The following ITGA3 variants were observed in gnomAD, a reference collection of about 807,000 sequenced individuals.
ITGA3 encodes the protein integrin subunit alpha 3, also known as integrin alpha-3.
ITGA3 carries 70 observed loss-of-function variants against 131.1 expected under a neutral mutation model. That is an observed-to-expected ratio of 0.53 (90% CI 0.44 to 0.65). The LOEUF is 0.65. Ranked by LOEUF, ITGA3 falls within the 30% of genes least tolerant of loss-of-function variation. The pLI, the probability that ITGA3 is intolerant of heterozygous loss-of-function variation, is 0.00. For synonymous variants in ITGA3, 537 were observed against 571.6 expected (o/e 0.94, Z 0.86); for missense variants, 1,098 against 1,388.6 (o/e 0.79, Z 3.33).
rs188574125 is a variant in ITGA3 at position 50,076,183 on chromosome 17, G to A, written c.1675-143G>A. ...AGTAGGAAGTCGCAATTTGGCGACC[G>A]GACTGGAGGGAGTTCAGCCTAACTG... On this transcript the variant is annotated intron_variant, in intron 12 of 25. Transcript: ENST00000320031. The A allele has an allele frequency of 1.0e-5, 9 of 879,084 alleles. No individual in the cohort carries two copies. The Admixed American group carries it at 1.3e-4, about 12-fold the overall frequency. The allele number at this position is 879,084 out of a possible 1,614,324, so 54.5% of individuals were successfully genotyped here. A position where few individuals can be genotyped will look rare whatever the true frequency, so the allele number is the denominator to read the frequency against.
At chr17:50,071,167 C>G (rs1185734091) in intron 5 of ITGA3, 144 bp from the exon 6 acceptor site, 9 of 780,276 alleles carry the variant, frequency 1.2e-5, no homozygotes, top group Admixed American at 9.5e-5. Flanking sequence ...TGCTGGCCAT[C>G]TGGAGTCTAC....
At chr17:50,088,047 G>A (rs1909543051) in intron 24 of ITGA3, among the ~76,000 whole-genome samples, 178 bp downstream of exon 24, 1 of 152,080 alleles carries the variant, frequency 6.6e-6, no homozygotes, top group Non-Finnish European at 1.5e-5. Flanking sequence ...GGTTAGTGGG[G>A]GGAGCTGCAA....
rs769930002 is a variant in ITGA3, at chr17:50,076,960, G to A, written c.1923-14G>A. The A allele has an allele frequency of 6.3e-7, 1 of 1,598,928 alleles. No individual in the cohort carries two copies. Among genetic ancestry groups the A allele is most frequent in the Non-Finnish European group, 8.5e-7 (1 of 1,169,970 alleles). ...GGCGGGGCTCTTGGCTGAGTCCTGG[G>A]CTCCTGCTCTCAGGCTCCAGTACAG... On this transcript the variant is annotated splice_polypyrimidine_tract_variant and intron_variant, in intron 14 of 25. Coordinates refer to ENST00000320031, the MANE Select transcript of ITGA3 (RefSeq NM_002204.4).
intron 3 of ITGA3, among the ~76,000 whole-genome samples, chr17:50,066,712 T>G (rs1908365345): frequency 6.6e-6 from 1 of 151,944 alleles, no homozygotes; most frequent in South Asian, 2.1e-4. Flanking sequence ...GAGAGAAAGG[T>G]TGGAGTGAGC....
At position 50,088,386 on chromosome 17, in the gene ITGA3, C is replaced by G. The variant is rs1277275413; in HGVS notation, c.*31+20C>G. 1 of 1,356,240 alleles carries G rather than the reference C, an allele frequency of 7.4e-7. No homozygotes were observed. The highest frequency in any genetic ancestry group is 2.0e-5 in the Admixed American group (1 of 50,548). 84.0% of individuals were successfully genotyped at this position (1,356,240 alleles called of 1,614,324 possible). A position where few individuals can be genotyped will look rare whatever the true frequency, so the allele number is the denominator to read the frequency against. On this transcript the variant is annotated intron_variant, in intron 25 of 25. Transcript: ENST00000320031. The stretch of plus-strand genomic sequence containing the variant: ...ACCTGGGTAACACGGCCTCCGGGCC[C>G]CCTTCCCCGAGCCCCACAGCTGGCC...
rs201984415 is a variant in ITGA3, at chr17:50,064,092, C to A, written c.222C>A (p.Ala74=). 1 of 1,612,608 alleles carries A rather than the reference C, an allele frequency of 6.2e-7. No individual in the cohort carries two copies. Among genetic ancestry groups the A allele is most frequent in the East Asian group, 2.2e-5 (1 of 44,862 alleles). The stretch of plus-strand genomic sequence containing the variant: ...CTATCCCCAGGCTCCTGGCTGGTGC[C>A]CCCCGGGAGCTCGCTGTGCCCGATG... ...RQQRYLLLAG[A]PRELAVPDGY... The change falls in exon 2 of 26, where the codon GCC becomes GCA. Residue 74 remains alanine (A), a synonymous_variant. Coordinates refer to ENST00000320031, the MANE Select transcript of ITGA3 (RefSeq NM_002204.4). The surrounding 1 kb of genome is among the most constrained non-coding windows in gnomAD (Gnocchi z 4.4).
rs1311230538 is a variant in ITGA3 at position 50,087,738 on chromosome 17, C to T, written c.2920-6C>T. 3 of 1,612,450 alleles carry T rather than the reference C, an allele frequency of 1.9e-6. No individual in the cohort carries two copies. Among genetic ancestry groups the T allele is most frequent in the East Asian group, 2.2e-5 (1 of 44,874 alleles). On this transcript the variant is annotated splice_region_variant and splice_polypyrimidine_tract_variant and intron_variant, in intron 23 of 25. Transcript: ENST00000320031. ...ACAGGGCTGAGTCCTCCTCTCCCCG[C>T]TCCAGTTCTCTGTGGACATTGACTC...
Position 50,064,263 on chromosome 17 carries a change from A to C in ITGA3, c.334+59A>C. The C allele has an allele frequency of 6.4e-7, 1 of 1,555,232 alleles. No homozygotes were observed. Among genetic ancestry groups the C allele is most frequent in the Non-Finnish European group, 8.7e-7 (1 of 1,151,520 alleles). On this transcript the variant is annotated intron_variant, in intron 2 of 25. Coordinates refer to ENST00000320031, the MANE Select transcript of ITGA3 (RefSeq NM_002204.4). The surrounding 1 kb of genome is among the most constrained non-coding windows in gnomAD (Gnocchi z 4.4). ...CAGAGGTCTGGCAGGGGGGTACCGCAGAGAGAATGGCCTGGAGGAGATAGA... is the reference window on the plus strand; with the variant it reads ...CAGAGGTCTGGCAGGGGGGTACCGCCGAGAGAATGGCCTGGAGGAGATAGA...
rs1908240416 is a variant in ITGA3 at position 50,064,545 on chromosome 17, A to G, written c.352A>G (p.Ile118Val). The G allele has an allele frequency of 1.2e-6, 2 of 1,612,850 alleles. No individual in the cohort carries two copies. The highest frequency in any genetic ancestry group is 1.7e-6 in the Non-Finnish European group (2 of 1,179,754). Residue 118 changes from isoleucine to valine, a missense_variant, in exon 3 of 26, where the codon ATT becomes GTT. This residue lies in a region of ITGA3 where 356 missense variants were observed against 529.2 expected (regional missense o/e 0.67). Coordinates refer to ENST00000320031, the MANE Select transcript of ITGA3 (RefSeq NM_002204.4). The surrounding 1 kb of genome is among the most constrained non-coding windows in gnomAD (Gnocchi z 4.4). ...GCCCACAGATGACCCTGGCCATCAC[A>G]TTATTGAGGACATGTGGCTTGGAGT... is the stretch of plus-strand genomic sequence containing the variant. ...ITVKNDPGHH[I>V]IEDMWLGVTV...
rs1013154243 is a variant in ITGA3, at chr17:50,087,947, C to T, written c.3045+78C>T. On this transcript the variant is annotated intron_variant, in intron 24 of 25. Coordinates refer to ENST00000320031, the MANE Select transcript of ITGA3 (RefSeq NM_002204.4). ...GCCCTTCCTCCAACCCACGTCTCCC[C>T]ATCCTGGTCCTCCCTTCCATCTCAC... The T allele has an allele frequency of 3.3e-5, 48 of 1,470,206 alleles. No individual in the cohort carries two copies. In the East Asian group the frequency reaches 1.1e-3, roughly 33 times the overall value. The allele number at this position is 1,470,206 out of a possible 1,614,324, so 91.1% of individuals were successfully genotyped here.
Position 50,074,537 on chromosome 17 carries a change from G to A in ITGA3, c.1469+3G>A. The A allele has an allele frequency of 6.2e-7, 1 of 1,607,060 alleles. No homozygotes were observed. The highest frequency in any genetic ancestry group is 8.5e-7 in the Non-Finnish European group (1 of 1,173,690). On this transcript the variant is annotated splice_donor_region_variant and intron_variant, in intron 10 of 25. Coordinates refer to ENST00000320031, the MANE Select transcript of ITGA3 (RefSeq NM_002204.4). The stretch of plus-strand genomic sequence containing the variant: ...GCACTTTGCACGGCCACCTCTTGGT[G>A]AGATTGTTCTGCCCACCTACTCCTC...
chr17:50,063,162 C>T (rs1041868848), intron 1 of ITGA3, among the ~76,000 whole-genome samples: 2 of 148,936 alleles, frequency 1.3e-5, no homozygotes, highest in African/African-American at 5.2e-5. Flanking sequence ...GGGTCCTAAG[C>T]ATCCTTGCAG....
chr17:50,056,689 C>T lies in ITGA3; in HGVS notation c.206+44C>T, dbSNP rs1907842721. On this transcript the variant is annotated intron_variant, in intron 1 of 25. Coordinates refer to ENST00000320031, the MANE Select transcript of ITGA3 (RefSeq NM_002204.4). This position sits in a 1 kb window ranked among gnomAD's most constrained non-coding sequence, Gnocchi z 5.6. Reference sequence around the variant, plus strand: ...TGTGGGGTGGGAGCGAGAGAGTGTGCGAGCGCGGGATGCGGGTCCGGAGCT... The same window carrying T: ...TGTGGGGTGGGAGCGAGAGAGTGTGTGAGCGCGGGATGCGGGTCCGGAGCT... 2.6e-6 allele frequency: 4 copies of T among 1,546,162 alleles called. No homozygotes were observed. The highest frequency in any genetic ancestry group is 4.0e-4 in the Middle Eastern group (2 of 5,000).
In ITGA3 at chr17:50,076,387, G is replaced by T; in HGVS notation, c.1736G>T (p.Arg579Leu). Reference sequence around the variant, plus strand: ...TCCATGAACTACTCTTTACCTTTGCGGATGCCCGATCGCCCCCGGCTGGGG... The same window carrying T: ...TCCATGAACTACTCTTTACCTTTGCTGATGCCCGATCGCCCCCGGCTGGGG... ...IISMNYSLPLRMPDRPRLGLR... is the reference protein window; with the variant it reads ...IISMNYSLPLLMPDRPRLGLR... Residue 579 changes from arginine (R) to leucine (L), a missense_variant, in exon 13 of 26, where the codon CGG becomes CTG. By Grantham distance (102) the Arg-to-Leu change is moderately radical (BLOSUM62 -2). This residue lies in a region of ITGA3 where 699 missense variants were observed against 829.2 expected (regional missense o/e 0.84). Coordinates refer to ENST00000320031, the MANE Select transcript of ITGA3 (RefSeq NM_002204.4). 1 of 1,613,318 alleles carries T rather than the reference G, an allele frequency of 6.2e-7. No individual in the cohort carries two copies. The highest frequency in any genetic ancestry group is 1.1e-5 in the South Asian group (1 of 91,074).
In ITGA3 at chr17:50,080,252, C is replaced by G. The variant is rs373709421; in HGVS notation, c.2707-10C>G. Reference sequence around the variant, plus strand: ...ACTATGTCACGTCTTGCGTTCCCTGCCCGCCTCAGACCTGTGCCACAGGGC... The same window carrying G: ...ACTATGTCACGTCTTGCGTTCCCTGGCCGCCTCAGACCTGTGCCACAGGGC... On this transcript the variant is annotated splice_polypyrimidine_tract_variant and intron_variant, in intron 21 of 25. Transcript: ENST00000320031. 6.5e-7 allele frequency: 1 copy of G among 1,543,996 alleles called. No homozygotes were observed. Among genetic ancestry groups the G allele is most frequent in the East Asian group, 2.3e-5 (1 of 43,898 alleles).
rs746374117 is a variant in ITGA3 at position 50,068,042 on chromosome 17, TG to T, written c.415-8del. 2 of 1,613,538 alleles carry T rather than the reference TG, an allele frequency of 1.2e-6. No homozygotes were observed. Among genetic ancestry groups the T allele is most frequent in the African/African-American group, 1.3e-5 (1 of 75,046 alleles). ...GTGCCTGACTAAGGCTGCCTGTGTTTGGGGGGTCCCCAGGTCTGTGCCCACC... is the reference window on the plus strand; with the variant it reads ...GTGCCTGACTAAGGCTGCCTGTGTTTGGGGGTCCCCAGGTCTGTGCCCACC... On this transcript the variant is annotated splice_polypyrimidine_tract_variant and intron_variant, in intron 3 of 25. Transcript: ENST00000320031.
At position 50,088,825 on chromosome 17, in the gene ITGA3, T is replaced by C. The variant is rs1189358874; in HGVS notation, c.*32-285T>C. ...CCCATTCCCAACATTGTGGTCAGGGTAGACTGCCCAGTCTTCCTGGCCATT... is the reference window on the plus strand; with the variant it reads ...CCCATTCCCAACATTGTGGTCAGGGCAGACTGCCCAGTCTTCCTGGCCATT... On this transcript the variant is annotated intron_variant, in intron 25 of 25. Transcript: ENST00000320031. Among the ~76,000 whole-genome samples the C allele has an allele frequency of 2.0e-5, 3 of 152,104 alleles. No individual in the cohort carries two copies. The East Asian group carries it at 5.8e-4, about 29-fold the overall frequency.
At chr17:50,061,424 C>T (rs997215876) in intron 1 of ITGA3, among the ~76,000 whole-genome samples, 1 of 152,064 alleles carries the variant, frequency 6.6e-6, no homozygotes, top group African/African-American at 2.4e-5. Flanking sequence ...TCAGCTGCCT[C>T]CTGTATGACA....
intron 23 of ITGA3, among the ~76,000 whole-genome samples, chr17:50,082,724 G>T (rs1299085430): frequency 6.6e-6 from 1 of 152,148 alleles, no homozygotes; most frequent in Non-Finnish European, 1.5e-5. Flanking sequence ...CAATCAAAAG[G>T]ATAGTTGAAA....
Sources: gnomAD v4.1 joint callset for allele counts (sites outside exome capture counted in the v4.1 genomes callset) on GRCh38, gnomAD v4.1.1 for gene constraint, gnomAD v4.1.1 regional missense constraint, Gnocchi (gnomAD v3.1) non-coding constraint, MANE v1.5 for transcripts, NCBI Gene and HGNC (gene_info 2026-07-23, HGNC 2026-07-21) for gene names.